BTBD9: variants seen among roughly 807,000 people sequenced by gnomAD.
BTBD9 encodes BTB domain containing 9, also known as BTB/POZ domain-containing protein 9.
A neutral mutation model predicts 64.3 loss-of-function variants in BTBD9; 49 were observed. That is an observed-to-expected ratio of 0.76 (90% CI 0.61 to 0.97). The LOEUF (loss-of-function observed/expected upper bound fraction) is 0.97. Ranked by LOEUF, BTBD9 falls within the 50% of genes least tolerant of loss-of-function variation. The probability of loss-of-function intolerance (pLI) is 0.00; values close to 1 mark genes in which losing one functional copy is unlikely to be tolerated. For missense variants in BTBD9, 598 were observed against 762.1 expected, an observed-to-expected ratio of 0.78 and a Z score of 2.53; for synonymous variants, 260 against 274.7, an observed-to-expected ratio of 0.95 and a Z score of 0.53.
chr6:38,441,423 G>A (rs1029355375), intron 6 of BTBD9, among the ~76,000 whole-genome samples: 2 of 152,182 alleles, frequency 1.3e-5, no homozygotes, highest in Middle Eastern at 6.8e-3. Context: ...CTTATCCTAG[G>A]AGATGTTTTT....
chr6:38,224,609 C>T (rs1407269353), intron 9 of BTBD9, among the ~76,000 whole-genome samples: 1 of 152,224 alleles, frequency 6.6e-6, no homozygotes, highest in Non-Finnish European at 1.5e-5. Flanking sequence ...GGAAACCACA[C>T]ATGAAGAGTA....
intron 9 of BTBD9, among the ~76,000 whole-genome samples, chr6:38,252,534 C>T (rs1186282299): frequency 1.3e-5 from 2 of 152,140 alleles, no homozygotes; most frequent in African/African-American, 4.8e-5. Context: ...CTTCTTATTA[C>T]TACTTTTGTT....
chr6:38,351,872 T>C (rs1764530416), intron 6 of BTBD9, among the ~76,000 whole-genome samples: 1 of 152,182 alleles, frequency 6.6e-6, no homozygotes, highest in Admixed American at 6.5e-5. Flanking sequence ...ATGCACAATC[T>C]AAAACCTGCC....
intron 6 of BTBD9, among the ~76,000 whole-genome samples, chr6:38,511,848 T>C (rs1772790248): frequency 6.6e-6 from 1 of 152,180 alleles, no homozygotes; most frequent in South Asian, 2.1e-4. Context: ...GGCGCAGTTC[T>C]GGGAAGGACT....
intron 6 of BTBD9, among the ~76,000 whole-genome samples, chr6:38,569,712 T>C (rs1322359250): frequency 1.3e-5 from 2 of 152,160 alleles, no homozygotes; most frequent in African/African-American, 4.8e-5. Flanking sequence ...GAAGCTTGGA[T>C]TCAATTGAAT....
intron 1 of BTBD9, among the ~76,000 whole-genome samples, chr6:38,612,682 A>C (rs1275844223): frequency 6.6e-6 from 1 of 152,160 alleles, no homozygotes; most frequent in East Asian, 1.9e-4. Context: ...TCAATTTAGA[A>C]AGAAAAAAAA....
chr6:38,202,927 G>A (rs1762514763), intron 9 of BTBD9, among the ~76,000 whole-genome samples: 1 of 152,150 alleles, frequency 6.6e-6, no homozygotes, highest in Admixed American at 6.5e-5. Context: ...CTGTTGAATA[G>A]GAGAAAATAC....
intron 6 of BTBD9, among the ~76,000 whole-genome samples, chr6:38,404,514 AT>A (rs1767082030): frequency 6.6e-6 from 1 of 151,638 alleles, no homozygotes; most frequent in South Asian, 2.1e-4. Context: ...AGAATCACAC[AT>A]TTGAAAAGTG....
chr6:38,608,669 G>T (rs1486914269), intron 1 of BTBD9, among the ~76,000 whole-genome samples: 1 of 152,202 alleles, frequency 6.6e-6, no homozygotes, highest in East Asian at 1.9e-4. Context: ...TGCATACTTT[G>T]ACTACTGTTT....
At chr6:38,375,649 T>C (rs1021894051) in intron 6 of BTBD9, among the ~76,000 whole-genome samples, 1 of 152,166 alleles carries the variant, frequency 6.6e-6, no homozygotes, top group East Asian at 1.9e-4. Flanking sequence ...ATCTGAATTA[T>C]TGAATAGATT....
intron 6 of BTBD9, among the ~76,000 whole-genome samples, chr6:38,550,463 C>T (rs1469114217): frequency 1.3e-5 from 2 of 151,908 alleles, no homozygotes; most frequent in African/African-American, 2.4e-5. Flanking sequence ...ACTACAGGCA[C>T]ATGCCACCAC....
chr6:38,587,488 G>T, intron 4 of BTBD9: 1 of 550,566 alleles, frequency 1.8e-6, no homozygotes. Flanking sequence ...TAATGTTGAA[G>T]TAACAATAAA....
intron 9 of BTBD9, among the ~76,000 whole-genome samples, chr6:38,227,077 G>T (rs1763420442): frequency 6.6e-6 from 1 of 152,216 alleles, no homozygotes; most frequent in Admixed American, 6.5e-5. Flanking sequence ...GTATGTCCTG[G>T]AGAGGCTTGC....
At chr6:38,564,766 C>T (rs1304090863) in intron 6 of BTBD9, among the ~76,000 whole-genome samples, 2 of 152,082 alleles carry the variant, frequency 1.3e-5, no homozygotes, top group South Asian at 4.1e-4. Flanking sequence ...GTGGTAGGCA[C>T]CTGTAATCCC....
chr6:38,590,855 T>C (rs1468885431), intron 4 of BTBD9, among the ~76,000 whole-genome samples: 2 of 152,174 alleles, frequency 1.3e-5, no homozygotes, highest in East Asian at 1.9e-4. Flanking sequence ...TGATAACAAA[T>C]GGTAACTTTC....
chr6:38,216,706 C>A (rs1398198737), intron 9 of BTBD9, among the ~76,000 whole-genome samples: 1 of 152,216 alleles, frequency 6.6e-6, no homozygotes, highest in African/African-American at 2.4e-5. Context: ...GCAGCTGTCA[C>A]TAACACCTTC....
intron 6 of BTBD9, among the ~76,000 whole-genome samples, chr6:38,567,507 C>G (rs948482789): frequency 2.0e-5 from 3 of 152,220 alleles, no homozygotes; most frequent in Admixed American, 1.3e-4. Context: ...CCACTCCCCC[C>G]ACCTTTCTTC....
At chr6:38,572,758 A>G (rs1775829757) in intron 6 of BTBD9, among the ~76,000 whole-genome samples, 2 of 147,990 alleles carry the variant, frequency 1.4e-5, no homozygotes, top group Admixed American at 1.4e-4. Context: ...CTTAAGATAT[A>G]AGGCTTAAAA....
intron 6 of BTBD9, among the ~76,000 whole-genome samples, chr6:38,480,346 G>A (rs897502085): frequency 1.5e-4 from 23 of 152,280 alleles, no homozygotes; most frequent in African/African-American, 5.3e-4. Flanking sequence ...CTTTGTCGGT[G>A]CTCAATAAAC....
Sources: gnomAD v4.1 joint callset for allele counts (sites outside exome capture counted in the v4.1 genomes callset) on GRCh38, gnomAD v4.1.1 for gene constraint, MANE v1.5 for transcripts, NCBI Gene and HGNC (gene_info 2026-07-23, HGNC 2026-07-21) for gene names.